Variants in ACACA observed in about 807,000 individuals in gnomAD.
ACACA encodes acetyl-CoA carboxylase 1.
ACACA carries 103 observed loss-of-function variants against 296.1 expected under a neutral mutation model. The ratio of observed to expected loss-of-function variants is 0.35; its 90% CI spans 0.30 to 0.41. The LOEUF is 0.41. Ranked by LOEUF, ACACA falls within the 10% of genes least tolerant of loss-of-function variation. ACACA has a pLI of 1.00. For missense variants in ACACA, 1,554 were observed against 2,989.7 expected (o/e 0.52, Z 11.20); for synonymous variants, 953 against 1,038.6 (o/e 0.92, Z 1.58).
At position 37,252,101 on chromosome 17, in the gene ACACA, C is replaced by T; in HGVS notation, c.1985G>A (p.Arg662Gln). The change falls in exon 16 of 56, where the codon CGA becomes CAA. Residue 662 changes from arginine to glutamine, a missense_variant. Transcript: ENST00000616317. ...RLIAEKVQAE[R>Q]PDTMLGVVCG... The stretch of plus-strand genomic sequence containing the variant: ...CACAACCCCCAACATGGTGTCAGGT[C>T]GCTCAGCCTGAAAGGAGGAAAAAGA... 6.2e-7 allele frequency: 1 copy of T among 1,614,108 alleles called. No homozygotes were observed. The highest frequency in any genetic ancestry group is 8.5e-7 in the Non-Finnish European group (1 of 1,179,976).
chr17:37,358,077 CT>C (rs201453579), intron 1 of ACACA, among the ~76,000 whole-genome samples: 25 of 151,618 alleles, frequency 1.6e-4, no homozygotes, highest in Admixed American at 3.9e-4. Flanking sequence ...GGCCTAGGGT[CT>C]TTTTTTTTAT....
At chr17:37,315,204 C>T (rs1300404984) in intron 3 of ACACA, among the ~76,000 whole-genome samples, 3 of 151,892 alleles carry the variant, frequency 2.0e-5, no homozygotes, top group African/African-American at 7.3e-5. Flanking sequence ...GTGATCCACC[C>T]GCCTCTGCCT....
Position 37,191,107 on chromosome 17 carries a change from A to G in ACACA, c.4572+13T>C, listed in dbSNP as rs2077733186. Reference sequence around the variant, plus strand: ...CTTGCTAGTGCTGGGAGAGAAGCTAAGGAGAAATGTACCTTTGATGGGTCC... The same window carrying G: ...CTTGCTAGTGCTGGGAGAGAAGCTAGGGAGAAATGTACCTTTGATGGGTCC... On this transcript the variant is annotated intron_variant, in intron 38 of 55. Coordinates refer to ENST00000616317, the MANE Select transcript of ACACA (RefSeq NM_198834.3). 1.2e-6 allele frequency: 2 copies of G among 1,613,932 alleles called. No individual in the cohort carries two copies. The highest frequency in any genetic ancestry group is 1.7e-6 in the Non-Finnish European group (2 of 1,179,842).
chr17:37,339,704 T>C (rs2048296895), intron 2 of ACACA, 100 bp downstream of exon 2: 2 of 783,442 alleles, frequency 2.6e-6, no homozygotes, highest in South Asian at 1.5e-5. Context: ...TATTATTTTG[T>C]GGAAGTCAAC....
At chr17:37,275,240 G>A (rs2082229780) in intron 8 of ACACA, among the ~76,000 whole-genome samples, 1 of 152,172 alleles carries the variant, frequency 6.6e-6, no homozygotes, top group South Asian at 2.1e-4. Context: ...GCTCATGCCT[G>A]TAATCCCAGC....
At chr17:37,102,199 C>CTTTT (rs35050543) in intron 52 of ACACA, among the ~76,000 whole-genome samples, 55 of 106,086 alleles carry the variant, frequency 5.2e-4, no homozygotes, top group African/African-American at 9.7e-4. Flanking sequence ...GCATCCAGCT[C>CTTTT]TTTTTTTTTT....
intron 54 of ACACA, among the ~76,000 whole-genome samples, chr17:37,091,724 C>T (rs2072647469): frequency 6.6e-6 from 1 of 151,994 alleles, no homozygotes; most frequent in African/African-American, 2.4e-5. Flanking sequence ...GGATTACAGG[C>T]ATGCCCCACC....
At chr17:37,380,875 C>A (rs568161958) in intron 1 of ACACA, among the ~76,000 whole-genome samples, 1 of 151,258 alleles carries the variant, frequency 6.6e-6, no homozygotes, top group Non-Finnish European at 1.5e-5. Context: ...GGATTACAGG[C>A]GTGAGCCACC....
At chr17:37,299,157 AT>A (rs1317075640) in intron 3 of ACACA, 28 of 1,020,014 alleles carry the variant, frequency 2.7e-5, no homozygotes, top group South Asian at 1.6e-5. Context: ...CTTAAAAAAA[AT>A]AGCCTTCATT....
At chr17:37,169,725 T>C (rs2076814202) in intron 41 of ACACA, among the ~76,000 whole-genome samples, 1 of 152,208 alleles carries the variant, frequency 6.6e-6, no homozygotes, top group African/African-American at 2.4e-5. Context: ...AATCTGCATG[T>C]ATATTAATTG....
At chr17:37,381,075 T>C (rs1002095953) in intron 1 of ACACA, among the ~76,000 whole-genome samples, 3 of 152,068 alleles carry the variant, frequency 2.0e-5, no homozygotes, top group African/African-American at 2.4e-5. Context: ...ACTCTAAGAA[T>C]GTATGAATGT....
intron 45 of ACACA, chr17:37,141,326 C>T: frequency 2.0e-6 from 1 of 492,584 alleles, no homozygotes; most frequent in Non-Finnish European, 4.0e-6. Context: ...CCTCCATGAG[C>T]TCTGTGGGGC....
At chr17:37,162,119 A>C in intron 41 of ACACA, 69 bp from the exon 42 acceptor site, 1 of 1,544,632 alleles carries the variant, frequency 6.5e-7, no homozygotes, top group Non-Finnish European at 8.9e-7. Flanking sequence ...GGTTCATTGA[A>C]GGTATCAGAG....
At chr17:37,285,919 T>C (rs542679610) in intron 3 of ACACA, among the ~76,000 whole-genome samples, 1 of 152,144 alleles carries the variant, frequency 6.6e-6, no homozygotes, top group South Asian at 2.1e-4. Context: ...TGAGCCAGAG[T>C]CTCACTCTGT....
At chr17:37,403,449 G>A (rs1412287569) in intron 1 of ACACA, among the ~76,000 whole-genome samples, 1 of 147,592 alleles carries the variant, frequency 6.8e-6, no homozygotes, top group East Asian at 2.0e-4. Context: ...CTGGGTCAAT[G>A]CAGCCTCAAC....
At chr17:37,220,410 A>G (rs2079229397) in intron 29 of ACACA, among the ~76,000 whole-genome samples, 1 of 152,334 alleles carries the variant, frequency 6.6e-6, no homozygotes, top group African/African-American at 2.4e-5. Context: ...AACTGCCCTG[A>G]GAATTACAAA....
Position 37,181,197 on chromosome 17 carries a change from T to G in ACACA, c.4932+4A>C. 6.2e-7 allele frequency: 1 copy of G among 1,614,136 alleles called. No individual in the cohort carries two copies. The highest frequency in any genetic ancestry group is 8.5e-7 in the Non-Finnish European group (1 of 1,179,970). On this transcript the variant is annotated splice_donor_region_variant and intron_variant, in intron 40 of 55. Coordinates refer to ENST00000616317, the MANE Select transcript of ACACA (RefSeq NM_198834.3). Reference sequence around the variant, plus strand: ...ATGTCAGACCCTCCAGTTAGGCATCTTACCTGCCGAAACATCTCTGGGATA... The same window carrying G: ...ATGTCAGACCCTCCAGTTAGGCATCGTACCTGCCGAAACATCTCTGGGATA...
chr17:37,197,501 A>C (rs931422260), intron 35 of ACACA, among the ~76,000 whole-genome samples: 1 of 152,154 alleles, frequency 6.6e-6, no homozygotes, highest in African/African-American at 2.4e-5. Context: ...AGAGAGATCA[A>C]GGGATTCATC....
chr17:37,307,543 C>T (rs1250803206), intron 3 of ACACA, among the ~76,000 whole-genome samples: 1 of 152,022 alleles, frequency 6.6e-6, no homozygotes, highest in Non-Finnish European at 1.5e-5. Context: ...CTGTTGAAGT[C>T]TTTTCCCCAT....
Sources: allele counts gnomAD v4.1 joint callset (sites outside exome capture counted in the v4.1 genomes callset), GRCh38; gene constraint gnomAD v4.1.1; transcripts MANE v1.5; gene names NCBI Gene and HGNC (gene_info 2026-07-23, HGNC 2026-07-21).